GRID1: variants seen among roughly 807,000 people sequenced by gnomAD.
GRID1 encodes glutamate receptor ionotropic, delta-1.
GRID1 carries 28 observed loss-of-function variants against 98.0 expected under a neutral mutation model. The ratio of observed to expected loss-of-function variants is 0.29; its 90% CI spans 0.21 to 0.39. The LOEUF (loss-of-function observed/expected upper bound fraction) is 0.39. Ranked by LOEUF, GRID1 falls within the 10% of genes least tolerant of loss-of-function variation. The pLI, the probability that GRID1 is intolerant of heterozygous loss-of-function variation, is 1.00. For synonymous variants in GRID1, 553 were observed against 538.5 expected (o/e 1.03, Z -0.37); for missense variants, 1,111 against 1,340.5 (o/e 0.83, Z 2.67).
At chr10:85,860,227 C>A (rs1843152220) in intron 6 of GRID1, among the ~76,000 whole-genome samples, 1 of 152,188 alleles carries the variant, frequency 6.6e-6, no homozygotes, top group Admixed American at 6.5e-5. Context: ...GGCAAGCAAG[C>A]AGATGCTGTC....
At chr10:85,986,308 C>A (rs1842607867) in intron 4 of GRID1, among the ~76,000 whole-genome samples, 2 of 152,256 alleles carry the variant, frequency 1.3e-5, no homozygotes, top group Admixed American at 1.3e-4. Context: ...CTGCAAATAG[C>A]AAGCCCAGAA....
intron 4 of GRID1, among the ~76,000 whole-genome samples, chr10:86,085,497 T>A (rs1844039416): frequency 6.6e-6 from 1 of 152,110 alleles, no homozygotes; most frequent in Non-Finnish European, 1.5e-5. Context: ...ACTCTCCCAA[T>A]TGTACTCTCC....
At chr10:86,058,852 A>C (rs12246742) in intron 4 of GRID1, among the ~76,000 whole-genome samples, 12,400 of 152,286 alleles carry the variant, frequency 0.081, 602 homozygotes, top group East Asian at 0.15. Context: ...TGAGGAGCTT[A>C]TAATTTAGGG....
At chr10:86,181,005 G>A (rs967086816) in intron 3 of GRID1, among the ~76,000 whole-genome samples, 3 of 152,232 alleles carry the variant, frequency 2.0e-5, no homozygotes, top group Non-Finnish European at 1.5e-5. Context: ...TGGCCATGAG[G>A]ACAGCCAAGC....
intron 8 of GRID1, among the ~76,000 whole-genome samples, chr10:85,784,868 G>T (rs1842412361): frequency 6.6e-6 from 1 of 152,214 alleles, no homozygotes; most frequent in South Asian, 2.1e-4. Context: ...TGGTTATCAA[G>T]ATTCCTTTTT....
At position 86,305,265 on chromosome 10, in the gene GRID1, T is replaced by C. The variant is rs547610515; in HGVS notation, c.235+58676A>G. 4.6e-5 allele frequency among the ~76,000 whole-genome samples: 7 copies of C among 152,210 alleles called. No homozygotes were observed. In the South Asian group the frequency reaches 1.5e-3, roughly 32 times the overall value. On this transcript the variant is annotated intron_variant, in intron 2 of 15. Transcript: ENST00000327946. ...CCTACACTCATGTAAGCTAATTCCA[T>C]CTCTTGGGGGAAGCCCTCCCTCAAC...
chr10:85,765,657 T>G (rs1279158750), intron 8 of GRID1, among the ~76,000 whole-genome samples: 3 of 152,210 alleles, frequency 2.0e-5, no homozygotes, highest in African/African-American at 7.2e-5. Context: ...TGTTTAGACT[T>G]AGGTCCCATC....
chr10:85,693,485 A>G (rs1177985424), intron 12 of GRID1, among the ~76,000 whole-genome samples: 1 of 152,160 alleles, frequency 6.6e-6, no homozygotes, highest in East Asian at 1.9e-4. Flanking sequence ...AGGTATCAGT[A>G]TTGGCTCATC....
intron 3 of GRID1, among the ~76,000 whole-genome samples, chr10:86,191,651 A>T (rs1845804026): frequency 6.6e-6 from 1 of 152,004 alleles, no homozygotes; most frequent in Non-Finnish European, 1.5e-5. Context: ...GGTCTCCCAC[A>T]TGCTCCCAGT....
At chr10:85,656,882 G>T (rs1221732170) in intron 12 of GRID1, among the ~76,000 whole-genome samples, 2 of 152,154 alleles carry the variant, frequency 1.3e-5, no homozygotes, top group South Asian at 2.1e-4. Context: ...GCCAAGCAGA[G>T]TGATCCTTTA....
chr10:85,982,838 A>G (rs4244970), intron 4 of GRID1, among the ~76,000 whole-genome samples: 61,445 of 152,074 alleles, frequency 0.4, 13,199 homozygotes, highest in South Asian at 0.53. Flanking sequence ...ACTGAAAAAG[A>G]AACTCCCTCA....
At chr10:85,939,178 C>G (rs1029855617) in intron 4 of GRID1, among the ~76,000 whole-genome samples, 19 of 152,172 alleles carry the variant, frequency 1.2e-4, no homozygotes, top group African/African-American at 3.9e-4. Context: ...TTCCTCCAAC[C>G]TGAGTTCAAC....
At chr10:85,977,677 C>T (rs1169267694) in intron 4 of GRID1, among the ~76,000 whole-genome samples, 4 of 152,222 alleles carry the variant, frequency 2.6e-5, no homozygotes, top group African/African-American at 7.2e-5. Flanking sequence ...CCTCTCCAGA[C>T]ACAACGCAGT....
intron 4 of GRID1, among the ~76,000 whole-genome samples, chr10:85,939,879 A>T (rs2131837657): frequency 6.6e-6 from 1 of 152,208 alleles, no homozygotes; most frequent in South Asian, 2.1e-4. Flanking sequence ...CAGCCTGGCC[A>T]ACATGGTGAA....
chr10:86,233,265 A>G (rs1388573091), intron 2 of GRID1, among the ~76,000 whole-genome samples: 1 of 151,928 alleles, frequency 6.6e-6, no homozygotes, highest in East Asian at 1.9e-4. Context: ...TTCTGAGAAG[A>G]CTAGCACTCA....
chr10:85,988,615 C>A (rs1842640777), intron 4 of GRID1, among the ~76,000 whole-genome samples: 1 of 152,160 alleles, frequency 6.6e-6, no homozygotes, highest in Non-Finnish European at 1.5e-5. Flanking sequence ...AGGGGATGAA[C>A]AGCTCAAGCA....
chr10:86,231,393 C>T (rs977099221), intron 2 of GRID1, among the ~76,000 whole-genome samples: 7 of 152,120 alleles, frequency 4.6e-5, no homozygotes, highest in African/African-American at 9.7e-5. Flanking sequence ...TTCTGCACTC[C>T]GGACAGAGGC....
In GRID1 at chr10:85,999,754, A is replaced by G. The variant is rs148438093; in HGVS notation, c.727-83515T>C. Among the ~76,000 whole-genome samples, 492 of 152,346 alleles carry G rather than the reference A, an allele frequency of 3.2e-3. 2 individuals carry two copies. The highest frequency in any genetic ancestry group is 0.011 in the African/African-American group (466 of 41,586). On this transcript the variant is annotated intron_variant, in intron 4 of 15. Transcript: ENST00000327946. ...ATCAATGGATGCAGAAAAAAAGCAC[A>G]TGACAAAATGCAGCTTTCTTTCACA...
At position 85,840,042 on chromosome 10, in the gene GRID1, A is replaced by C. The variant is rs77068491; in HGVS notation, c.1233+14454T>G. Among the ~76,000 whole-genome samples, 1,093 of 152,244 alleles carry C rather than the reference A, an allele frequency of 7.2e-3. 16 individuals carry two copies. Among genetic ancestry groups the C allele is most frequent in the African/African-American group, 0.025 (1,022 of 41,552 alleles). The stretch of plus-strand genomic sequence containing the variant: ...AATTCGTGTCACATACACCCTCCCA[A>C]GACTGCACCACGAAGAAACTGAAAC... On this transcript the variant is annotated intron_variant, in intron 8 of 15. Transcript: ENST00000327946.
Sources: allele counts gnomAD v4.1 joint callset (sites outside exome capture counted in the v4.1 genomes callset), GRCh38; gene constraint gnomAD v4.1.1; transcripts MANE v1.5; gene names NCBI Gene and HGNC (gene_info 2026-07-23, HGNC 2026-07-21).